MAPK10: variants seen among roughly 807,000 people sequenced by gnomAD.
MAPK10 encodes the protein JNK3 alpha protein kinase.
MAPK10 carries 25 observed loss-of-function variants against 59.3 expected under a neutral mutation model. The ratio of observed to expected loss-of-function variants is 0.42; its 90% confidence interval spans 0.31 to 0.59. The LOEUF is 0.59. Among genes scored for constraint, MAPK10 ranks in the 20% least tolerant of loss-of-function variants. MAPK10 has a pLI of 0.15. For synonymous variants in MAPK10, 190 were observed against 200.5 expected, an observed-to-expected ratio of 0.95 and a Z score of 0.44; for missense variants, 351 against 568.9, an observed-to-expected ratio of 0.62 and a Z score of 3.90.
chr4:86,423,760 GATATATATACATATATATATATATATAT>G (rs1311066162), intron 1 of MAPK10, among the ~76,000 whole-genome samples: 4 of 117,120 alleles, frequency 3.4e-5, no homozygotes, highest in Non-Finnish European at 7.0e-5. Flanking sequence ...TAATTAGTGG[GATATATATACATATATATATATATATAT>G]ATATATATGT....
rs898468695 is a variant in MAPK10 at position 86,289,968 on chromosome 4, C to T, written c.-7+64562G>A. Among the ~76,000 whole-genome samples the T allele has an allele frequency of 1.2e-4, 18 of 152,060 alleles. No individual in the cohort carries two copies. The South Asian group carries it at 1.2e-3, about 11-fold the overall frequency. On this transcript the variant is annotated intron_variant, in intron 2 of 13. Transcript: ENST00000641462. ...GGTGAAGCATTTGTTGGTAGTGAGG[C>T]TAAGAATTGATTTTGGACGTATTAA... is the stretch of plus-strand genomic sequence containing the variant.
Position 86,356,054 on chromosome 4 carries a change from C to T in MAPK10, c.-121-1410G>A, listed in dbSNP as rs541519186. ...GTTTTTGTTTTTCTTCACACACACA[C>T]ACACACACACACACACACGTGTACA... On this transcript the variant is annotated intron_variant, in intron 1 of 13. Coordinates refer to ENST00000641462, the MANE Select transcript of MAPK10 (RefSeq NM_138982.4). Among the ~76,000 whole-genome samples, 3 of 152,164 alleles carry T rather than the reference C, an allele frequency of 2.0e-5. No individual in the cohort carries two copies. In the South Asian group the frequency reaches 6.2e-4, roughly 32 times the overall value.
chr4:86,309,084 A>G (rs190914605), intron 2 of MAPK10, among the ~76,000 whole-genome samples: 1,596 of 152,312 alleles, frequency 0.01, 10 homozygotes, highest in South Asian at 0.033. Context: ...AATGGAAAAA[A>G]ATAAATCATT....
At chr4:86,034,427 G>C (rs542616976) in intron 11 of MAPK10, among the ~76,000 whole-genome samples, 1 of 152,188 alleles carries the variant, frequency 6.6e-6, no homozygotes, top group Non-Finnish European at 1.5e-5. Flanking sequence ...ATTTTATACT[G>C]ATGAAACATG....
intron 1 of MAPK10, among the ~76,000 whole-genome samples, chr4:86,538,517 T>C (rs1273171619): frequency 6.6e-6 from 1 of 152,228 alleles, no homozygotes; most frequent in Non-Finnish European, 1.5e-5. Context: ...CTCTTTTTCG[T>C]TAAGTGTATT....
chr4:86,311,323 T>G (rs1231306866), intron 2 of MAPK10, among the ~76,000 whole-genome samples: 1 of 152,088 alleles, frequency 6.6e-6, no homozygotes, highest in Admixed American at 6.6e-5. Context: ...AAGGTAAATC[T>G]TTACCTCTTT....
chr4:86,334,177 C>T (rs960947852), intron 2 of MAPK10, among the ~76,000 whole-genome samples: 45 of 152,174 alleles, frequency 3.0e-4, no homozygotes, highest in African/African-American at 8.9e-4. Context: ...ATTGCAACCA[C>T]CTCCCACACA....
rs112676339 is a variant in MAPK10 at position 86,015,154 on chromosome 4, A to C, written c.*2074T>G. ...AAATGGGCCATTTTTATTCCAGGGG[A>C]CAAGCTGCACAAAGGAATGTTCTTC... On this transcript the variant is annotated 3_prime_UTR_variant, in exon 14 of 14. Coordinates refer to ENST00000641462, the MANE Select transcript of MAPK10 (RefSeq NM_138982.4). 6.6e-6 allele frequency: 1 copy of C among 152,142 alleles called. No individual in the cohort carries two copies. The highest frequency in any genetic ancestry group is 1.5e-5 in the Non-Finnish European group (1 of 68,020). 9.4% of individuals were successfully genotyped at this position (152,142 alleles called of 1,614,324 possible). A position where few individuals can be genotyped will look rare whatever the true frequency, so the allele number is the denominator to read the frequency against.
intron 2 of MAPK10, among the ~76,000 whole-genome samples, chr4:86,330,423 C>G (rs558463114): frequency 6.6e-6 from 1 of 152,284 alleles, no homozygotes; most frequent in East Asian, 1.9e-4. Context: ...TATGGTTTGT[C>G]TGTGTCTTCA....
At chr4:86,359,263 C>CCTCTCTCTCTCTCTCTCTCTCTCT (rs367595812) in intron 1 of MAPK10, among the ~76,000 whole-genome samples, 11 of 53,462 alleles carry the variant, frequency 2.1e-4, no homozygotes, top group Non-Finnish European at 3.0e-4. Flanking sequence ...TTTTTTTTTT[C>CCTCTCTCTCTCTCTCTCTCTCTCT]CTCTCTCTCT....
chr4:86,148,515 A>G (rs1034361145), intron 4 of MAPK10, among the ~76,000 whole-genome samples: 3 of 152,182 alleles, frequency 2.0e-5, no homozygotes, highest in African/African-American at 7.2e-5. Context: ...AAGGGATATC[A>G]GTTAACTATC....
intron 3 of MAPK10, among the ~76,000 whole-genome samples, chr4:86,169,466 A>G (rs538867014): frequency 1.1e-4 from 16 of 152,314 alleles, no homozygotes; most frequent in African/African-American, 3.6e-4. Flanking sequence ...GGATATCAGC[A>G]ATGGAAGATG....
intron 1 of MAPK10, among the ~76,000 whole-genome samples, chr4:86,581,878 A>G (rs1762296171): frequency 7.2e-6 from 1 of 139,604 alleles, no homozygotes; most frequent in African/African-American, 2.7e-5. Context: ...GAAATTAGTA[A>G]AACACTTTAA....
chr4:86,207,261 A>T (rs1208860807), intron 2 of MAPK10, among the ~76,000 whole-genome samples: 1 of 151,772 alleles, frequency 6.6e-6, no homozygotes, highest in African/African-American at 2.4e-5. Context: ...AGCTTTCTAC[A>T]TATGGCTAGC....
intron 9 of MAPK10, among the ~76,000 whole-genome samples, chr4:86,074,799 C>T (rs1056434070): frequency 8.2e-6 from 1 of 122,490 alleles, no homozygotes; most frequent in Non-Finnish European, 1.8e-5. Flanking sequence ...GAGGGTAACC[C>T]GACCTTTCTC....
At chr4:86,527,596 G>T (rs1757562829) in intron 1 of MAPK10, among the ~76,000 whole-genome samples, 1 of 152,162 alleles carries the variant, frequency 6.6e-6, no homozygotes, top group Non-Finnish European at 1.5e-5. Context: ...ATGGAAAGCA[G>T]TTTGGAGATT....
At chr4:86,065,536 A>C (rs1010056930) in intron 10 of MAPK10, 1 of 152,140 alleles carries the variant, frequency 6.6e-6, no homozygotes, top group African/African-American at 2.4e-5. Context: ...AAAATATGTA[A>C]ATTTTTTAAA....
At chr4:86,107,993 C>A (rs1190978243) in intron 4 of MAPK10, among the ~76,000 whole-genome samples, 1 of 152,000 alleles carries the variant, frequency 6.6e-6, no homozygotes, top group East Asian at 1.9e-4. Context: ...CTATGTCACC[C>A]AACTAAGAAC....
chr4:86,494,666 AC>A (rs1233089686), intron 1 of MAPK10, among the ~76,000 whole-genome samples: 7 of 151,548 alleles, frequency 4.6e-5, no homozygotes, highest in African/African-American at 7.3e-5. Flanking sequence ...CAACATGGAA[AC>A]CCCGTCTCTA....
Sources: gnomAD v4.1 joint callset for allele counts (sites outside exome capture counted in the v4.1 genomes callset) on GRCh38, gnomAD v4.1.1 for gene constraint, MANE v1.5 for transcripts, NCBI Gene and HGNC (gene_info 2026-07-23, HGNC 2026-07-21) for gene names.